Variants in PDZD2 observed in about 807,000 individuals in gnomAD.
The protein encoded by PDZD2 is PDZ domain containing 2.
PDZD2 carries 90 observed loss-of-function variants against 220.7 expected under a neutral mutation model. That is an observed-to-expected ratio of 0.41 (90% CI 0.34 to 0.49). The LOEUF (loss-of-function observed/expected upper bound fraction) is 0.49. Ranked by LOEUF, PDZD2 falls within the 20% of genes least tolerant of loss-of-function variation. The probability of loss-of-function intolerance (pLI) is 0.28; values close to 1 mark genes in which losing one functional copy is unlikely to be tolerated. For missense variants in PDZD2, 3,174 were observed against 3,608.5 expected, an observed-to-expected ratio of 0.88 and a Z score of 3.08; for synonymous variants, 1,375 against 1,450.5, an observed-to-expected ratio of 0.95 and a Z score of 1.18.
intron 1 of PDZD2, among the ~76,000 whole-genome samples, chr5:31,773,378 C>T (rs1752447126): frequency 6.6e-6 from 1 of 152,036 alleles, no homozygotes; most frequent in Non-Finnish European, 1.5e-5. Flanking sequence ...GTGGCTCATG[C>T]CTGTAATCCC....
chr5:31,896,309 C>T (rs1703524632), intron 2 of PDZD2, among the ~76,000 whole-genome samples: 1 of 147,892 alleles, frequency 6.8e-6, no homozygotes, highest in South Asian at 2.2e-4. Context: ...CATCAGATTC[C>T]TATTTGATAC....
intron 2 of PDZD2, among the ~76,000 whole-genome samples, chr5:31,803,755 T>A (rs979498025): frequency 1.3e-5 from 2 of 151,630 alleles, no homozygotes; most frequent in Non-Finnish European, 2.9e-5. Context: ...ATACAGAAAA[T>A]AGGGGCAAGG....
chr5:31,940,448 T>C (rs1373837771), intron 2 of PDZD2, among the ~76,000 whole-genome samples: 1 of 152,222 alleles, frequency 6.6e-6, no homozygotes, highest in Non-Finnish European at 1.5e-5. Flanking sequence ...AGCTGTTGAC[T>C]TGGGACTCTA....
At chr5:31,743,112 C>A (rs2150168690) in intron 1 of PDZD2, among the ~76,000 whole-genome samples, 1 of 152,102 alleles carries the variant, frequency 6.6e-6, no homozygotes, top group East Asian at 1.9e-4. Flanking sequence ...TTGATTTTGA[C>A]CTACTCTGAA....
At chr5:31,728,854 T>G (rs1364014277) in intron 1 of PDZD2, among the ~76,000 whole-genome samples, 2 of 152,242 alleles carry the variant, frequency 1.3e-5, no homozygotes, top group East Asian at 1.9e-4. Context: ...GTTTATTTTA[T>G]TTTATTTTAT....
chr5:31,735,081 A>G (rs1332660922), intron 1 of PDZD2, among the ~76,000 whole-genome samples: 1 of 152,086 alleles, frequency 6.6e-6, no homozygotes, highest in Non-Finnish European at 1.5e-5. Flanking sequence ...CTGCTAATAT[A>G]CTTGCCCAGC....
At chr5:31,849,922 A>G (rs55686729) in intron 2 of PDZD2, among the ~76,000 whole-genome samples, 4 of 22,732 alleles carry the variant, frequency 1.8e-4, no homozygotes, top group East Asian at 8.8e-4. Context: ...ATATATACAT[A>G]TATATATATA....
intron 2 of PDZD2, among the ~76,000 whole-genome samples, chr5:31,883,347 A>G (rs1740122546): frequency 6.8e-6 from 1 of 147,812 alleles, no homozygotes; most frequent in South Asian, 2.1e-4. Context: ...CAGCCTCCTG[A>G]GTAGCTGGGA....
chr5:31,809,370 AGCTCT>A (rs1754947408), intron 2 of PDZD2, among the ~76,000 whole-genome samples: 1 of 152,180 alleles, frequency 6.6e-6, no homozygotes, highest in Non-Finnish European at 1.5e-5. Flanking sequence ...CAGCCTTCAG[AGCTCT>A]CTCTTGAATG....
chr5:31,673,925 C>T (rs1368472671), intron 1 of PDZD2, among the ~76,000 whole-genome samples: 2 of 152,100 alleles, frequency 1.3e-5, no homozygotes, highest in African/African-American at 2.4e-5. Context: ...GAGCTGAGAT[C>T]ACGCCACTGT....
chr5:31,736,809 G>C (rs1749887890), intron 1 of PDZD2, among the ~76,000 whole-genome samples: 1 of 152,086 alleles, frequency 6.6e-6, no homozygotes, highest in South Asian at 2.1e-4. Context: ...GAATGACTTG[G>C]GCCATCTCCT....
In PDZD2 at chr5:31,878,555, C is replaced by CTTTTTTTTTTTTTTTTTTTTT. The variant is rs397884384; in HGVS notation, c.476+78835_476+78855dup. 8.3e-4 allele frequency among the ~76,000 whole-genome samples: 40 copies of CTTTTTTTTTTTTTTTTTTTTT among 48,196 alleles called. 11 individuals carry two copies. The highest frequency in any genetic ancestry group is 1.2e-3 in the African/African-American group (17 of 14,370). The allele number at this position is 48,196 out of a possible 152,430, so 31.6% of individuals were successfully genotyped here. A position where few individuals can be genotyped will look rare whatever the true frequency, so the allele number is the denominator to read the frequency against. On this transcript the variant is annotated intron_variant, in intron 2 of 24. Transcript: ENST00000438447. ...TTCTTTGGTGGTCAGATGACCTCGG[C>CTTTTTTTTTTTTTTTTTTTTT]TTTTTTTTTTTTTTTTTTTTTTTTG...
chr5:31,641,830 A>G (rs1744960197), intron 1 of PDZD2, among the ~76,000 whole-genome samples: 1 of 151,936 alleles, frequency 6.6e-6, no homozygotes, highest in African/African-American at 2.4e-5. Flanking sequence ...TAGCACACTC[A>G]CCATGCTGCC....
chr5:31,904,186 T>C (rs1404381664), intron 2 of PDZD2, among the ~76,000 whole-genome samples: 1 of 152,226 alleles, frequency 6.6e-6, no homozygotes, highest in African/African-American at 2.4e-5. Context: ...CCACTTCTTA[T>C]AAGCTCAATT....
chr5:31,905,308 C>G (rs1742544142), intron 2 of PDZD2, among the ~76,000 whole-genome samples: 1 of 152,098 alleles, frequency 6.6e-6, no homozygotes, highest in Non-Finnish European at 1.5e-5. Flanking sequence ...ATCAGTGTCC[C>G]TTTCTTCTTT....
chr5:31,772,411 AC>A (rs1237698430), intron 1 of PDZD2, among the ~76,000 whole-genome samples: 1 of 152,220 alleles, frequency 6.6e-6, no homozygotes, highest in African/African-American at 2.4e-5. Context: ...AGTAGGGGCT[AC>A]CTGCATCAGG....
chr5:31,976,334 G>A (rs1171025616), intron 2 of PDZD2, among the ~76,000 whole-genome samples: 2 of 152,166 alleles, frequency 1.3e-5, no homozygotes. Flanking sequence ...ATTAGGCTTA[G>A]CAGGTTTTCA....
intron 1 of PDZD2, among the ~76,000 whole-genome samples, chr5:31,707,402 G>A (rs995834963): frequency 6.6e-6 from 1 of 152,086 alleles, no homozygotes; most frequent in Non-Finnish European, 1.5e-5. Flanking sequence ...CTCTCTTTCT[G>A]CTCACGCACA....
chr5:31,788,542 G>A (rs1753518070), intron 1 of PDZD2, among the ~76,000 whole-genome samples: 2 of 151,922 alleles, frequency 1.3e-5, no homozygotes, highest in South Asian at 4.2e-4. Flanking sequence ...GCGGGCGCCT[G>A]TAGTCCCAGC....
Sources: allele counts gnomAD v4.1 joint callset (sites outside exome capture counted in the v4.1 genomes callset), GRCh38; gene constraint gnomAD v4.1.1; transcripts MANE v1.5; gene names NCBI Gene and HGNC (gene_info 2026-07-23, HGNC 2026-07-21).